The following JPH1 variants were observed in gnomAD, a reference collection of about 807,000 sequenced individuals.
JPH1 encodes the protein junctophilin-1.
In JPH1, 12 loss-of-function variants were observed where a neutral mutation model predicts 53.6. The ratio of observed to expected loss-of-function variants is 0.22; its 90% CI spans 0.14 to 0.36. The LOEUF (loss-of-function observed/expected upper bound fraction) is 0.36. JPH1 is among the 10% of genes least tolerant of loss of function. The pLI, the probability that JPH1 is intolerant of heterozygous loss-of-function variation, is 1.00. For missense variants in JPH1, 808 were observed against 905.5 expected (o/e 0.89, Z 1.38); for synonymous variants, 375 against 363.8 (o/e 1.03, Z -0.35).
intron 2 of JPH1, among the ~76,000 whole-genome samples, chr8:74,283,302 G>T (rs2131422054): frequency 6.6e-6 from 1 of 151,756 alleles, no homozygotes; most frequent in South Asian, 2.1e-4. Flanking sequence ...GGCCTGTGTG[G>T]CATAGTGTCA....
At chr8:74,253,261 T>C (rs1806120996) in intron 3 of JPH1, among the ~76,000 whole-genome samples, 2 of 152,090 alleles carry the variant, frequency 1.3e-5, no homozygotes, top group African/African-American at 2.4e-5. Context: ...CTCAACTACA[T>C]GGAAACTGAA....
chr8:74,253,817 C>G (rs1161987616), intron 3 of JPH1, among the ~76,000 whole-genome samples: 2 of 152,118 alleles, frequency 1.3e-5, no homozygotes, highest in African/African-American at 4.8e-5. Flanking sequence ...TTCCTTGACA[C>G]AAACACTCTC....
intron 2 of JPH1, among the ~76,000 whole-genome samples, chr8:74,264,725 T>C (rs1806484102): frequency 6.6e-6 from 1 of 152,170 alleles, no homozygotes; most frequent in Non-Finnish European, 1.5e-5. Context: ...CATTACTTCA[T>C]TATACAAATG....
At chr8:74,313,270 T>A (rs1296307642) in intron 2 of JPH1, among the ~76,000 whole-genome samples, 1 of 152,168 alleles carries the variant, frequency 6.6e-6, no homozygotes, top group African/African-American at 2.4e-5. Flanking sequence ...CCAGCAAGAT[T>A]AGATGTGCTG....
At chr8:74,302,327 C>T (rs776504994) in intron 2 of JPH1, among the ~76,000 whole-genome samples, 2 of 152,190 alleles carry the variant, frequency 1.3e-5, no homozygotes, top group African/African-American at 2.4e-5. Flanking sequence ...AAATTGCTAA[C>T]TTTAATGTTT....
intron 2 of JPH1, among the ~76,000 whole-genome samples, chr8:74,268,002 T>C (rs1806584371): frequency 6.6e-6 from 1 of 152,142 alleles, no homozygotes; most frequent in African/African-American, 2.4e-5. Context: ...GTTGTGGGCT[T>C]TGGAACCAGG....
chr8:74,285,298 T>TTTATGAATTTTTCC (rs1248930955), intron 2 of JPH1, among the ~76,000 whole-genome samples: 14 of 152,116 alleles, frequency 9.2e-5, no homozygotes, highest in African/African-American at 3.4e-4. Context: ...CTATATCTAC[T>TTTATGAATTTTTCC]TTATGAATTT....
rs1264049266 is a variant in JPH1 at position 74,321,292 on chromosome 8, G to A, written c.-5C>T. ...GTCGAACCTTCCGCCCGTCATTCGG[G>A]GGGCAGCCCCGGCGCGCTCCCCGCA... On this transcript the variant is annotated 5_prime_UTR_variant, in exon 1 of 6. Coordinates refer to ENST00000342232, the MANE Select transcript of JPH1 (RefSeq NM_020647.4). This position sits in a 1 kb window ranked among gnomAD's most constrained non-coding sequence, Gnocchi z 4.3. 12 of 1,555,978 alleles carry A rather than the reference G, an allele frequency of 7.7e-6. No homozygotes were observed. The highest frequency in any genetic ancestry group is 1.0e-5 in the Non-Finnish European group (12 of 1,151,280).
In JPH1 at chr8:74,310,744, T is replaced by C. The variant is rs376595479; in HGVS notation, c.1139+4117A>G. On this transcript the variant is annotated intron_variant, in intron 2 of 5. Coordinates refer to ENST00000342232, the MANE Select transcript of JPH1 (RefSeq NM_020647.4). ...GTTCTGTGTCTCCTGGAGACATTAT[T>C]GGAGAATATAATTGTTTTCCCTTAG... is the stretch of plus-strand genomic sequence containing the variant. Among the ~76,000 whole-genome samples, 28 of 152,360 alleles carry C rather than the reference T, an allele frequency of 1.8e-4. 1 individual carries two copies. The South Asian group carries it at 5.6e-3, about 30-fold the overall frequency.
chr8:74,261,203 G>A (rs1806386363), intron 2 of JPH1, among the ~76,000 whole-genome samples: 2 of 152,140 alleles, frequency 1.3e-5, no homozygotes, highest in African/African-American at 4.8e-5. Context: ...TCTATAGACT[G>A]TACAACACAA....
chr8:74,284,981 C>T (rs2131424057), intron 2 of JPH1, among the ~76,000 whole-genome samples: 1 of 152,120 alleles, frequency 6.6e-6, no homozygotes, highest in East Asian at 1.9e-4. Context: ...GGTGCCACCA[C>T]ACCTGGCTGA....
intron 2 of JPH1, among the ~76,000 whole-genome samples, chr8:74,260,961 T>C (rs1482583045): frequency 6.6e-6 from 1 of 152,190 alleles, no homozygotes; most frequent in East Asian, 1.9e-4. Flanking sequence ...ATACTATTTA[T>C]TGAGGGACCA....
At chr8:74,267,030 A>C (rs1385333234) in intron 2 of JPH1, among the ~76,000 whole-genome samples, 1 of 152,240 alleles carries the variant, frequency 6.6e-6, no homozygotes, top group Non-Finnish European at 1.5e-5. Flanking sequence ...AAAAGAGAGA[A>C]ACATAAAAGA....
At chr8:74,246,616 T>C (rs1348467793) in intron 3 of JPH1, among the ~76,000 whole-genome samples, 1 of 151,348 alleles carries the variant, frequency 6.6e-6, no homozygotes, top group African/African-American at 2.4e-5. Flanking sequence ...AAAAATCACA[T>C]AGCTCCCATT....
chr8:74,251,811 G>A (rs1806071740), intron 3 of JPH1, among the ~76,000 whole-genome samples: 1 of 151,930 alleles, frequency 6.6e-6, no homozygotes, highest in Non-Finnish European at 1.5e-5. Context: ...CACAGAATTG[G>A]AAAAAACTAC....
At position 74,240,034 on chromosome 8, in the gene JPH1, C is replaced by T. The variant is rs554902425; in HGVS notation, c.1906-2731G>A. 1.4e-4 allele frequency among the ~76,000 whole-genome samples: 21 copies of T among 152,196 alleles called. 1 individual carries two copies. Among genetic ancestry groups the T allele is most frequent in the Middle Eastern group, 3.4e-3 (1 of 294 alleles). ...TCACCCAGGCTGGAGTGCAGTGGCG[C>T]GATCTTGGCTCACCGTAACCTCTGC... On this transcript the variant is annotated intron_variant, in intron 4 of 5. Coordinates refer to ENST00000342232, the MANE Select transcript of JPH1 (RefSeq NM_020647.4).
At chr8:74,259,618 C>A (rs1806335687) in intron 2 of JPH1, 115 bp from the exon 3 acceptor site, 1 of 754,140 alleles carries the variant, frequency 1.3e-6, no homozygotes, top group South Asian at 2.3e-5. Flanking sequence ...GCCCGACACC[C>A]ACAAGAGCAA....
Position 74,321,462 on chromosome 8 carries a change from T to TGCCGCC in JPH1, c.-181_-176dup, listed in dbSNP as rs979307780. ...GCCGCCCCCGTCCTCCCTCCTCTTT[T>TGCCGCC]GCCGCCGCCACCGCCGCCTTCCTCC... On this transcript the variant is annotated 5_prime_UTR_variant, in exon 1 of 6. Coordinates refer to ENST00000342232, the MANE Select transcript of JPH1 (RefSeq NM_020647.4). The surrounding 1 kb of genome is among the most constrained non-coding windows in gnomAD (Gnocchi z 4.3). 1.5e-4 allele frequency: 83 copies of TGCCGCC among 566,788 alleles called. No individual in the cohort carries two copies. Among genetic ancestry groups the TGCCGCC allele is most frequent in the Middle Eastern group, 4.8e-4 (1 of 2,100 alleles). 35.1% of individuals were successfully genotyped at this position (566,788 alleles called of 1,614,324 possible).
intron 2 of JPH1, among the ~76,000 whole-genome samples, chr8:74,282,762 T>C (rs1160231686): frequency 2.0e-5 from 3 of 152,146 alleles, no homozygotes; most frequent in Non-Finnish European, 2.9e-5. Flanking sequence ...AGGGTGACTA[T>C]AGTTAACAAT....
Sources: gnomAD v4.1 joint callset for allele counts (sites outside exome capture counted in the v4.1 genomes callset) on GRCh38, gnomAD v4.1.1 for gene constraint, Gnocchi (gnomAD v3.1) non-coding constraint, MANE v1.5 for transcripts, NCBI Gene and HGNC (gene_info 2026-07-23, HGNC 2026-07-21) for gene names.